BIRC2: variants seen among roughly 807,000 people sequenced by gnomAD.
The protein encoded by BIRC2 is baculoviral IAP repeat-containing protein 2.
In BIRC2, 18 loss-of-function variants were observed where a neutral mutation model predicts 60.9. The observed-to-expected ratio is 0.30, with a 90% CI of 0.20 to 0.44. BIRC2 has a LOEUF of 0.44. BIRC2 is among the 20% of genes least tolerant of loss of function. The pLI is 1.00. For missense variants in BIRC2, 701 were observed against 728.5 expected (o/e 0.96, Z 0.43); for synonymous variants, 282 against 247.7 (o/e 1.14, Z -1.30).
At position 102,349,723 on chromosome 11, in the gene BIRC2, A is replaced by C. The variant is rs920490484; in HGVS notation, c.-132A>C. 16 of 938,080 alleles carry C rather than the reference A, an allele frequency of 1.7e-5. No homozygotes were observed. The highest frequency in any genetic ancestry group is 2.5e-5 in the Non-Finnish European group (16 of 635,906). 58.1% of individuals were successfully genotyped at this position (938,080 alleles called of 1,614,324 possible). ...CCTACCTGAATATAAACTGAGATAAATCCAGTAAAGAAAGTGTAGTAAATT... is the reference window on the plus strand; with the variant it reads ...CCTACCTGAATATAAACTGAGATAACTCCAGTAAAGAAAGTGTAGTAAATT... On this transcript the variant is annotated 5_prime_UTR_variant, in exon 2 of 9. Transcript: ENST00000227758.
At chr11:102,353,259 G>A (rs1323543526) in intron 3 of BIRC2, among the ~76,000 whole-genome samples, 1 of 152,136 alleles carries the variant, frequency 6.6e-6, no homozygotes, top group Non-Finnish European at 1.5e-5. Context: ...TGTTTTAAAT[G>A]ATTAAGGGAG....
chr11:102,378,036 T>C lies in BIRC2; in HGVS notation c.1710T>C (p.Thr570=). 6.2e-7 allele frequency: 1 copy of C among 1,612,904 alleles called. No homozygotes were observed. The highest frequency in any genetic ancestry group is 1.1e-5 in the South Asian group (1 of 90,600). Residue 570 remains threonine, a synonymous_variant, in exon 9 of 9, where the codon ACT becomes ACC. Transcript: ENST00000227758. ...EQLRRLQEER[T]CKVCMDKEVS... ...TGAGGAGGTTGCAAGAAGAACGAAC[T>C]TGTAAAGTGTGTATGGACAAAGAAG... is the stretch of plus-strand genomic sequence containing the variant.
intron 3 of BIRC2, among the ~76,000 whole-genome samples, chr11:102,358,437 C>G (rs1951447061): frequency 6.6e-6 from 1 of 152,062 alleles, no homozygotes; most frequent in African/African-American, 2.4e-5. Flanking sequence ...ACTTCTAGTC[C>G]CAAGCATTTC....
chr11:102,368,241 A>G (rs1371041180), intron 5 of BIRC2, 65 bp from the exon 6 acceptor site: 4 of 1,526,304 alleles, frequency 2.6e-6, no homozygotes, highest in East Asian at 4.5e-5. Context: ...AGATTGTGCC[A>G]TGATACTTTT....
chr11:102,377,552 G>A lies in BIRC2; in HGVS notation c.1423G>A (p.Val475Met). 6.2e-7 allele frequency: 1 copy of A among 1,608,898 alleles called. No individual in the cohort carries two copies. Among genetic ancestry groups the A allele is most frequent in the Non-Finnish European group, 8.5e-7 (1 of 1,178,304 alleles). ...GGCTCTCTTTCAACAATTGACATGT[G>A]TGCTTCCTATCCTGGATAATCTTTT... Reference protein sequence around the residue: ...RMALFQQLTCVLPILDNLLKA... With the variant: ...RMALFQQLTCMLPILDNLLKA... Residue 475 changes from valine (V) to methionine (M), a missense_variant, in exon 7 of 9, where the codon GTG (valine) becomes ATG (methionine). Val to Met is a conservative substitution (Grantham distance 21). This residue lies in a region of BIRC2 where 235 missense variants were observed against 208.9 expected (regional missense o/e 1.12). Coordinates refer to ENST00000227758, the MANE Select transcript of BIRC2 (RefSeq NM_001166.5).
chr11:102,356,874 T>TC (rs1228840416), intron 3 of BIRC2, among the ~76,000 whole-genome samples: 1 of 151,848 alleles, frequency 6.6e-6, no homozygotes, highest in Non-Finnish European at 1.5e-5. Flanking sequence ...AGATGGGGTT[T>TC]CACCAGGCTG....
At chr11:102,373,264 A>G (rs1424373775) in intron 6 of BIRC2, among the ~76,000 whole-genome samples, 5 of 152,074 alleles carry the variant, frequency 3.3e-5, no homozygotes, top group South Asian at 4.2e-4. Flanking sequence ...TCCTAGTCTC[A>G]ATGGTCTTTA....
intron 5 of BIRC2, 106 bp from the exon 6 acceptor site, chr11:102,368,200 T>G: frequency 7.5e-7 from 1 of 1,325,512 alleles, no homozygotes; most frequent in Non-Finnish European, 1.0e-6. Flanking sequence ...CTCATCTCCT[T>G]TACCAGAATA....
At chr11:102,374,659 A>T (rs1400047907) in intron 6 of BIRC2, among the ~76,000 whole-genome samples, 2 of 152,056 alleles carry the variant, frequency 1.3e-5, no homozygotes, top group Non-Finnish European at 2.9e-5. Context: ...GAGCCTACAG[A>T]GGCAGGCAGG....
chr11:102,365,314 A>G (rs1374124692), intron 5 of BIRC2, among the ~76,000 whole-genome samples: 1 of 152,182 alleles, frequency 6.6e-6, no homozygotes, highest in Non-Finnish European at 1.5e-5. Context: ...GCATATAAAC[A>G]TAATGTACTT....
chr11:102,372,517 C>A (rs1383340465), intron 6 of BIRC2, among the ~76,000 whole-genome samples: 21 of 151,970 alleles, frequency 1.4e-4, no homozygotes, highest in African/African-American at 5.1e-4. Context: ...TTTGATTGCA[C>A]TGTGGTCTGA....
chr11:102,349,627 C>G lies in BIRC2; in HGVS notation c.-228C>G. The G allele has an allele frequency of 2.3e-6, 1 of 426,476 alleles. No individual in the cohort carries two copies. The allele number at this position is 426,476 out of a possible 1,614,324, so 26.4% of individuals were successfully genotyped here. A position where few individuals can be genotyped will look rare whatever the true frequency, so the allele number is the denominator to read the frequency against. ...TATGAACAAATAGCACTTAGGTTAC[C>G]TGAAAGAGTTACTACAACCCCAAAG... On this transcript the variant is annotated 5_prime_UTR_variant, in exon 2 of 9. Coordinates refer to ENST00000227758, the MANE Select transcript of BIRC2 (RefSeq NM_001166.5).
chr11:102,377,824 T>TA, intron 7 of BIRC2, 33 bp from the exon 8 acceptor site: 1 of 1,597,506 alleles, frequency 6.3e-7, no homozygotes, highest in Non-Finnish European at 8.5e-7. Context: ...TTGTATTTAG[T>TA]AGAGTAATGG....
intron 3 of BIRC2, among the ~76,000 whole-genome samples, chr11:102,351,325 C>A (rs1461165861): frequency 1.3e-5 from 2 of 152,114 alleles, no homozygotes; most frequent in African/African-American, 4.8e-5. Flanking sequence ...GTATTAAGAG[C>A]ATATCTTAGA....
chr11:102,366,532 A>G (rs951147464), intron 5 of BIRC2, among the ~76,000 whole-genome samples: 3 of 151,656 alleles, frequency 2.0e-5, no homozygotes, highest in African/African-American at 7.3e-5. Context: ...ACGCCCGGCT[A>G]ATTTTTTGTA....
rs1951333224 is a variant in BIRC2, at chr11:102,349,850, T to C, written c.-5T>C. On this transcript the variant is annotated 5_prime_UTR_variant, in exon 2 of 9. Transcript: ENST00000227758. ...TTAGCTATCAAACAGTACTGTCACC[T>C]ACTCATGCACAAAACTGCCTCCCAA... is the stretch of plus-strand genomic sequence containing the variant. 2 of 1,594,220 alleles carry C rather than the reference T, an allele frequency of 1.3e-6. No individual in the cohort carries two copies. The highest frequency in any genetic ancestry group is 3.4e-5 in the Admixed American group (2 of 58,206).
rs561182053 is a variant in BIRC2 at position 102,348,835 on chromosome 11, G to A, written c.-1020G>A. ...TTGGTAGTACAATATTTTGTTAGGCGTTTCTGATAACACTAGAAAGGACAA... is the reference window on the plus strand; with the variant it reads ...TTGGTAGTACAATATTTTGTTAGGCATTTCTGATAACACTAGAAAGGACAA... On this transcript the variant is annotated 5_prime_UTR_variant, in exon 2 of 9. Coordinates refer to ENST00000227758, the MANE Select transcript of BIRC2 (RefSeq NM_001166.5). 5 of 229,258 alleles carry A rather than the reference G, an allele frequency of 2.2e-5. No individual in the cohort carries two copies. The highest frequency in any genetic ancestry group is 9.6e-5 in the South Asian group (2 of 20,928). The allele number at this position is 229,258 out of a possible 1,614,324, so 14.2% of individuals were successfully genotyped here. A position where few individuals can be genotyped will look rare whatever the true frequency, so the allele number is the denominator to read the frequency against.
chr11:102,360,727 T>C (rs1057110703), intron 3 of BIRC2, among the ~76,000 whole-genome samples: 3 of 151,838 alleles, frequency 2.0e-5, no homozygotes, highest in South Asian at 2.1e-4. Flanking sequence ...CCTTGTGTTA[T>C]CTGTGTATTT....
chr11:102,353,679 C>CTT lies in BIRC2; in HGVS notation c.995+2759_995+2760dup, dbSNP rs60766578. 6.4e-3 allele frequency among the ~76,000 whole-genome samples: 553 copies of CTT among 86,030 alleles called. 3 individuals are homozygous for CTT. Among genetic ancestry groups the CTT allele is most frequent in the African/African-American group, 0.023 (464 of 20,560 alleles). 56.4% of individuals were successfully genotyped at this position (86,030 alleles called of 152,430 possible). Reference sequence around the variant, plus strand: ...ATCCATCACCTTATGTAGTAACTTTCTTTTTTTTTTTTTTTTTTTTTTTTG... The same window carrying CTT: ...ATCCATCACCTTATGTAGTAACTTTCTTTTTTTTTTTTTTTTTTTTTTTTTTG... On this transcript the variant is annotated intron_variant, in intron 3 of 8. Transcript: ENST00000227758.
Sources: gnomAD v4.1 joint callset for allele counts (sites outside exome capture counted in the v4.1 genomes callset) on GRCh38, gnomAD v4.1.1 for gene constraint, gnomAD v4.1.1 regional missense constraint, MANE v1.5 for transcripts, NCBI Gene and HGNC (gene_info 2026-07-23, HGNC 2026-07-21) for gene names.